TSPAN7: variants seen among roughly 807,000 people sequenced by gnomAD.
The protein encoded by TSPAN7 is tetraspanin 7, also known as tetraspanin-7.
Under a neutral mutation model 17.6 loss-of-function variants are expected in TSPAN7, and 1 was observed. The observed-to-expected ratio is 0.06, with a 90% CI of 0.02 to 0.27. TSPAN7 has a LOEUF of 0.27. Ranked by LOEUF, TSPAN7 falls within the 10% of genes least tolerant of loss-of-function variation. The pLI is 1.00. For synonymous variants in TSPAN7, 78 were observed against 79.0 expected, an observed-to-expected ratio of 0.99 and a Z score of 0.07; for missense variants, 112 against 201.7, an observed-to-expected ratio of 0.56 and a Z score of 2.69.
chrX:38,598,202 A>G (rs1275159726), intron 1 of TSPAN7, among the ~76,000 whole-genome samples: 1 of 111,365 alleles, frequency 9.0e-6, no homozygotes, highest in Non-Finnish European at 1.9e-5. Context: ...CTAGTATTCT[A>G]ACTGTTCTTA....
At chrX:38,625,077 G>C (rs1185701872) in intron 1 of TSPAN7, among the ~76,000 whole-genome samples, 1 of 111,702 alleles carries the variant, frequency 9.0e-6, no homozygotes, top group Non-Finnish European at 1.9e-5. Flanking sequence ...CCTGTAAACA[G>C]TATACTTTTC....
chrX:38,584,267 T>A (rs1202734624), intron 1 of TSPAN7, among the ~76,000 whole-genome samples: 6 of 111,283 alleles, frequency 5.4e-5, no homozygotes, highest in African/African-American at 1.3e-4. Flanking sequence ...TGATTTTTTT[T>A]AAGGGAGATA....
intron 1 of TSPAN7, among the ~76,000 whole-genome samples, chrX:38,583,662 G>T (rs2069239499): frequency 8.9e-6 from 1 of 111,900 alleles, no homozygotes; most frequent in African/African-American, 3.3e-5. Context: ...ATCACAGAAG[G>T]CCTCTCTGAG....
intron 6 of TSPAN7, 26 bp from the exon 7 acceptor site, chrX:38,687,573 A>G: frequency 1.7e-6 from 2 of 1,204,814 alleles, no homozygotes; most frequent in Non-Finnish European, 2.2e-6. Context: ...TGAGATTCTC[A>G]TTTTCGTTTT....
chrX:38,613,972 G>GTT (rs1335437449), intron 1 of TSPAN7, among the ~76,000 whole-genome samples: 2 of 100,071 alleles, frequency 2.0e-5, no homozygotes, highest in Non-Finnish European at 4.1e-5. Context: ...CTGGTTTGAG[G>GTT]TTTTTTTTTT....
intron 3 of TSPAN7, among the ~76,000 whole-genome samples, chrX:38,672,807 C>T (rs1409712470): frequency 1.8e-5 from 2 of 111,771 alleles, no homozygotes; most frequent in African/African-American, 6.5e-5. Context: ...TGACCACCAG[C>T]GCTGGTCTTG....
chrX:38,608,076 G>C (rs2069394739), intron 1 of TSPAN7: 1 of 110,356 alleles, frequency 9.1e-6, no homozygotes, highest in Admixed American at 9.7e-5. Context: ...CAAAGGGGAG[G>C]GCGGTGGCAG....
At chrX:38,636,602 C>A (rs995781656) in intron 1 of TSPAN7, among the ~76,000 whole-genome samples, 1 of 111,635 alleles carries the variant, frequency 9.0e-6, no homozygotes. Flanking sequence ...GGGAGGCAGG[C>A]CCACAGAGGC....
chrX:38,582,831 T>C (rs2069234643), intron 1 of TSPAN7, among the ~76,000 whole-genome samples: 1 of 111,924 alleles, frequency 8.9e-6, no homozygotes, highest in South Asian at 3.7e-4. Flanking sequence ...CTTGTGTCTA[T>C]TGTATCCAGT....
At chrX:38,621,223 G>A (rs1012757810) in intron 1 of TSPAN7, among the ~76,000 whole-genome samples, 2 of 112,255 alleles carry the variant, frequency 1.8e-5, no homozygotes, top group African/African-American at 6.5e-5. Flanking sequence ...AGGATGATCA[G>A]CCCATCATAT....
chrX:38,615,335 C>CT (rs1316140551), intron 1 of TSPAN7, among the ~76,000 whole-genome samples: 2 of 111,035 alleles, frequency 1.8e-5, no homozygotes, highest in Non-Finnish European at 3.8e-5. Context: ...TGAAAATAAG[C>CT]TTTTTTTTCC....
At chrX:38,662,093 A>T (rs2069749782) in intron 1 of TSPAN7, among the ~76,000 whole-genome samples, 1 of 111,631 alleles carries the variant, frequency 9.0e-6, no homozygotes, top group South Asian at 3.8e-4. Context: ...CTTTGCTTGT[A>T]GGTGAGTTTT....
At chrX:38,674,006 G>C (rs765983112) in intron 3 of TSPAN7, among the ~76,000 whole-genome samples, 1 of 111,836 alleles carries the variant, frequency 8.9e-6, no homozygotes, top group African/African-American at 3.2e-5. Flanking sequence ...TCTCTGGATT[G>C]AGGCTGAGGG....
chrX:38,584,942 G>A (rs2069250211), intron 1 of TSPAN7, among the ~76,000 whole-genome samples: 1 of 111,646 alleles, frequency 9.0e-6, no homozygotes, highest in Non-Finnish European at 1.9e-5. Context: ...GTGTATTTTT[G>A]AACATTATAT....
intron 1 of TSPAN7, among the ~76,000 whole-genome samples, chrX:38,574,521 C>A (rs987625150): frequency 9.0e-6 from 1 of 111,697 alleles, no homozygotes; most frequent in African/African-American, 3.2e-5. Context: ...AAAGGCAAGG[C>A]TCTTATATGA....
rs781089728 is a variant in TSPAN7 at position 38,568,504 on chromosome X, CTTG to C, written c.81+6884_81+6886del. 1.2e-3 allele frequency among the ~76,000 whole-genome samples: 134 copies of C among 110,857 alleles called. 1 individual carries two copies. The highest frequency in any genetic ancestry group is 1.9e-3 in the Non-Finnish European group (99 of 52,853). Reference sequence around the variant, plus strand: ...GTTTCTCCCTATTCCAAGTCTTGTTCTTGTTGTTGGTGTTGAGAAATCAGATGT... The same window carrying C: ...GTTTCTCCCTATTCCAAGTCTTGTTCTTGTTGGTGTTGAGAAATCAGATGT... On this transcript the variant is annotated intron_variant, in intron 1 of 7. Coordinates refer to ENST00000378482, the MANE Select transcript of TSPAN7 (RefSeq NM_004615.4).
chrX:38,637,424 C>T (rs1210621480), intron 1 of TSPAN7, among the ~76,000 whole-genome samples: 1 of 112,201 alleles, frequency 8.9e-6, no homozygotes, highest in African/African-American at 3.2e-5. Context: ...TGTGTCCTTG[C>T]TCCTAGACTT....
At chrX:38,619,021 TTA>T (rs2069473213) in intron 1 of TSPAN7, among the ~76,000 whole-genome samples, 1 of 111,774 alleles carries the variant, frequency 8.9e-6, no homozygotes, top group African/African-American at 3.3e-5. Context: ...TGTCCTGAGA[TTA>T]TATCTCAGGA....
chrX:38,650,930 C>T (rs2069672245), intron 1 of TSPAN7, among the ~76,000 whole-genome samples: 1 of 110,658 alleles, frequency 9.0e-6, no homozygotes, highest in Non-Finnish European at 1.9e-5. Flanking sequence ...TCTCCCATCT[C>T]ATGCCCTCTT....
Sources: gnomAD v4.1 joint callset for allele counts (sites outside exome capture counted in the v4.1 genomes callset) on GRCh38, gnomAD v4.1.1 for gene constraint, MANE v1.5 for transcripts, NCBI Gene and HGNC (gene_info 2026-07-23, HGNC 2026-07-21) for gene names.